PAM: variants seen among roughly 807,000 people sequenced by gnomAD.
PAM encodes the protein peptidyl-glycine alpha-amidating monooxygenase.
A neutral mutation model predicts 122.1 loss-of-function variants in PAM; 72 were observed. The ratio of observed to expected loss-of-function variants is 0.59; its 90% CI spans 0.49 to 0.72. The LOEUF (loss-of-function observed/expected upper bound fraction) is 0.72. Among genes scored for constraint, PAM ranks in the 30% least tolerant of loss-of-function variants. The probability of loss-of-function intolerance (pLI) is 0.00; values close to 1 mark genes in which losing one functional copy is unlikely to be tolerated. For synonymous variants in PAM, 389 were observed against 404.4 expected (o/e 0.96, Z 0.46); for missense variants, 1,106 against 1,183.7 (o/e 0.93, Z 0.96).
chr5:103,011,267 T>C (rs1203859674), intron 21 of PAM, among the ~76,000 whole-genome samples: 3 of 152,022 alleles, frequency 2.0e-5, no homozygotes, highest in Non-Finnish European at 4.4e-5. Flanking sequence ...AATAAAAATA[T>C]TTGTTGTTTA....
intron 8 of PAM, among the ~76,000 whole-genome samples, chr5:102,947,483 A>G (rs1255665622): frequency 6.6e-6 from 1 of 152,150 alleles, no homozygotes; most frequent in African/African-American, 2.4e-5. Flanking sequence ...GTGAGAATGC[A>G]AAGGCATAAG....
intron 5 of PAM, among the ~76,000 whole-genome samples, chr5:102,920,271 T>TG (rs1324655775): frequency 3.3e-5 from 5 of 152,058 alleles, no homozygotes; most frequent in Non-Finnish European, 7.4e-5. Flanking sequence ...GGGATAGCTA[T>TG]TATTTTTATT....
Position 102,859,413 on chromosome 5 carries a change from T to G in PAM, c.-373-6410T>G, listed in dbSNP as rs552142138. Among the ~76,000 whole-genome samples the G allele has an allele frequency of 5.1e-3, 777 of 152,080 alleles. 9 individuals carry two copies. The highest frequency in any genetic ancestry group is 0.017 in the African/African-American group (699 of 41,452). ...AAAGCTTAAAAAGTTTAATAAGGTT[T>G]TTTTTTAAAAAAAGCTTATAGAATA... On this transcript the variant is annotated intron_variant, in intron 1 of 25. Coordinates refer to ENST00000438793, the MANE Select transcript of PAM (RefSeq NM_001177306.2).
intron 7 of PAM, among the ~76,000 whole-genome samples, chr5:102,945,658 C>G (rs957776480): frequency 3.3e-5 from 5 of 151,976 alleles, no homozygotes; most frequent in African/African-American, 1.2e-4. Context: ...TTCTCCCCCC[C>G]TCTCTCCTTT....
At chr5:102,828,973 C>T (rs1313455855) in intron 1 of PAM, among the ~76,000 whole-genome samples, 3 of 139,646 alleles carry the variant, frequency 2.1e-5, no homozygotes, top group African/African-American at 8.1e-5. Context: ...AGGCTGGTCT[C>T]AAATTCTTGC....
At chr5:102,987,610 G>T in intron 15 of PAM, 1 of 441,062 alleles carries the variant, frequency 2.3e-6, no homozygotes, top group Non-Finnish European at 4.5e-6. Flanking sequence ...GATCATGCTT[G>T]TATCAAAATA....
intron 1 of PAM, among the ~76,000 whole-genome samples, chr5:102,786,797 G>T (rs1439535363): frequency 2.0e-5 from 3 of 152,022 alleles, no homozygotes; most frequent in Admixed American, 6.6e-5. Flanking sequence ...TAATTTACTT[G>T]AAAAGAAACA....
At chr5:102,896,559 A>AT (rs1411663848) in intron 3 of PAM, among the ~76,000 whole-genome samples, 2 of 151,680 alleles carry the variant, frequency 1.3e-5, no homozygotes, top group Non-Finnish European at 3.0e-5. Flanking sequence ...ACAAGATTAC[A>AT]TTCTAGGTTG....
chr5:102,840,045 G>C (rs73189063), intron 1 of PAM, among the ~76,000 whole-genome samples: 2,204 of 152,130 alleles, frequency 0.014, 42 homozygotes, highest in African/African-American at 0.051. Context: ...CAAGAAAAAT[G>C]AAAGTTCAAA....
intron 1 of PAM, among the ~76,000 whole-genome samples, chr5:102,842,139 A>T (rs2150582979): frequency 6.6e-6 from 1 of 152,186 alleles, no homozygotes; most frequent in Admixed American, 6.5e-5. Context: ...AAGGACTTAC[A>T]AAAGGAAAAC....
chr5:102,844,788 A>G (rs1329012583), intron 1 of PAM, among the ~76,000 whole-genome samples: 2 of 152,246 alleles, frequency 1.3e-5, no homozygotes, highest in Non-Finnish European at 2.9e-5. Flanking sequence ...TCCACAGCTT[A>G]TGAGTAGCAG....
intron 23 of PAM, among the ~76,000 whole-genome samples, chr5:103,024,419 T>C (rs1364705954): frequency 6.6e-6 from 1 of 152,146 alleles, no homozygotes; most frequent in Non-Finnish European, 1.5e-5. Context: ...TTTTCATCAG[T>C]AACAAAAGGA....
At chr5:103,011,345 C>G (rs1475554775) in intron 21 of PAM, among the ~76,000 whole-genome samples, 1 of 150,856 alleles carries the variant, frequency 6.6e-6, no homozygotes, top group Non-Finnish European at 1.5e-5. Context: ...AACCCCCCGC[C>G]ACACACACAT....
intron 1 of PAM, among the ~76,000 whole-genome samples, chr5:102,850,217 G>GA (rs1008660398): frequency 2.6e-5 from 4 of 151,744 alleles, no homozygotes; most frequent in South Asian, 4.2e-4. Flanking sequence ...TTGCTGGGTT[G>GA]AAAAAAAACA....
At chr5:102,982,917 T>C (rs139055382) in intron 15 of PAM, among the ~76,000 whole-genome samples, 1 of 151,988 alleles carries the variant, frequency 6.6e-6, no homozygotes, top group Non-Finnish European at 1.5e-5. Context: ...CATAATGATA[T>C]TAAAGAAGCT....
At chr5:103,017,469 C>A in intron 22 of PAM, 36 bp downstream of exon 22, 1 of 1,303,116 alleles carries the variant, frequency 7.7e-7, no homozygotes, top group Non-Finnish European at 1.1e-6. Flanking sequence ...CACATTTTCC[C>A]TCAGTTTGAT....
At chr5:103,015,077 C>G (rs1015553598) in intron 21 of PAM, among the ~76,000 whole-genome samples, 1 of 152,258 alleles carries the variant, frequency 6.6e-6, no homozygotes, top group East Asian at 1.9e-4. Context: ...CTGAAAAGTT[C>G]ACTTAAGTTA....
chr5:102,972,092 C>T (rs1314696262), intron 14 of PAM, among the ~76,000 whole-genome samples: 1 of 152,088 alleles, frequency 6.6e-6, no homozygotes, highest in Non-Finnish European at 1.5e-5. Context: ...TTTATCACAG[C>T]TTTTAGATTT....
chr5:102,930,593 A>C (rs1751140395), intron 7 of PAM, among the ~76,000 whole-genome samples: 1 of 152,208 alleles, frequency 6.6e-6, no homozygotes, highest in Non-Finnish European at 1.5e-5. Context: ...AAGAGAGGTC[A>C]AAGGTGGGGA....
Sources: gnomAD v4.1 joint callset for allele counts (sites outside exome capture counted in the v4.1 genomes callset) on GRCh38, gnomAD v4.1.1 for gene constraint, MANE v1.5 for transcripts, NCBI Gene and HGNC (gene_info 2026-07-23, HGNC 2026-07-21) for gene names.